DNAJC15: variants seen among roughly 807,000 people sequenced by gnomAD.
DNAJC15 encodes the protein dnaJ homolog subfamily C member 15.
Under a neutral mutation model 22.4 loss-of-function variants are expected in DNAJC15, and 27 were observed. The ratio of observed to expected loss-of-function variants is 1.20; its 90% CI spans 0.89 to 1.66. DNAJC15 has a LOEUF of 1.66. Among genes scored for constraint, DNAJC15 ranks in the 40% most tolerant of loss-of-function variants. DNAJC15 has a pLI of 0.00. For synonymous variants in DNAJC15, 79 were observed against 63.2 expected (o/e 1.25, Z -1.19); for missense variants, 208 against 187.1 (o/e 1.11, Z -0.65).
chr13:43,101,507 A>G (rs2040768947), intron 5 of DNAJC15, among the ~76,000 whole-genome samples: 2 of 152,204 alleles, frequency 1.3e-5, no homozygotes, highest in South Asian at 2.1e-4. Context: ...ATTTTGGTGC[A>G]CTCATCACCC....
chr13:43,102,093 AT>A (rs1043785635), intron 5 of DNAJC15, among the ~76,000 whole-genome samples: 6 of 152,002 alleles, frequency 3.9e-5, no homozygotes, highest in East Asian at 3.9e-4. Context: ...AACATTTATA[AT>A]TTTTTTTGAT....
intron 1 of DNAJC15, among the ~76,000 whole-genome samples, chr13:43,049,340 G>A (rs1367986052): frequency 6.6e-6 from 1 of 152,148 alleles, no homozygotes; most frequent in African/African-American, 2.4e-5. Flanking sequence ...CAAAATAAAA[G>A]TCGAAATACA....
rs374525072 is a variant in DNAJC15 at position 43,100,735 on chromosome 13, G to A, written c.383-6443G>A. On this transcript the variant is annotated intron_variant, in intron 5 of 5. Coordinates refer to ENST00000379221, the MANE Select transcript of DNAJC15 (RefSeq NM_013238.3). ...CCTCTGTGCATTTGAGAAAAATTGC[G>A]TATTCCATTATTGGGTAGTGTTCTG... is the stretch of plus-strand genomic sequence containing the variant. Among the ~76,000 whole-genome samples the A allele has an allele frequency of 2.5e-4, 38 of 152,252 alleles. 3 individuals are homozygous for A. The highest frequency in any genetic ancestry group is 1.6e-3 in the Admixed American group (25 of 15,290).
intron 3 of DNAJC15, among the ~76,000 whole-genome samples, chr13:43,074,831 G>T (rs184458774): frequency 1.3e-5 from 2 of 152,238 alleles, no homozygotes; most frequent in South Asian, 2.1e-4. Flanking sequence ...ACCTGGGTTT[G>T]AACTGCACAG....
chr13:43,103,541 C>T (rs1056350360), intron 5 of DNAJC15, among the ~76,000 whole-genome samples: 8 of 152,262 alleles, frequency 5.3e-5, no homozygotes, highest in Non-Finnish European at 1.0e-4. Flanking sequence ...TGAAGTTTGT[C>T]GAGACTTGCT....
In DNAJC15 at chr13:43,109,943, A is replaced by T. The variant is rs1300063682; in HGVS notation, c.*2695A>T. The stretch of plus-strand genomic sequence containing the variant: ...AAAGCATTTAGTCACGTAAATGCTT[A>T]AAAAAATGTAATTTTTACTTCTTTC... On this transcript the variant is annotated 3_prime_UTR_variant, in exon 6 of 6. Coordinates refer to ENST00000379221, the MANE Select transcript of DNAJC15 (RefSeq NM_013238.3). 7.1e-6 allele frequency: 1 copy of T among 140,378 alleles called. No individual in the cohort carries two copies. Among genetic ancestry groups the T allele is most frequent in the African/African-American group, 3.3e-5 (1 of 30,212 alleles). The allele number at this position is 140,378 out of a possible 1,614,324, so 8.7% of individuals were successfully genotyped here. A position where few individuals can be genotyped will look rare whatever the true frequency, so the allele number is the denominator to read the frequency against.
chr13:43,023,879 G>A lies in DNAJC15; in HGVS notation c.108+145G>A, dbSNP rs2040365262. On this transcript the variant is annotated intron_variant, in intron 1 of 5. Coordinates refer to ENST00000379221, the MANE Select transcript of DNAJC15 (RefSeq NM_013238.3). The stretch of plus-strand genomic sequence containing the variant: ...CTAGCGCTCACTTGTTCAGTGGAGA[G>A]ACCGCTTTGTGCTGGGCTTTGACGC... 7 of 774,446 alleles carry A rather than the reference G, an allele frequency of 9.0e-6. No homozygotes were observed. In the South Asian group the frequency reaches 1.3e-4, roughly 15 times the overall value. 48.0% of individuals were successfully genotyped at this position (774,446 alleles called of 1,614,324 possible).
Position 43,110,650 on chromosome 13 carries a change from G to A in DNAJC15, c.*3402G>A, listed in dbSNP as rs1458996584. ...AGATCTCCACAACTATACCTACATA[G>A]TAGAAGGTTAAAATGTATCCCTCTT... On this transcript the variant is annotated 3_prime_UTR_variant, in exon 6 of 6. Coordinates refer to ENST00000379221, the MANE Select transcript of DNAJC15 (RefSeq NM_013238.3). The A allele has an allele frequency of 1.3e-5, 2 of 152,176 alleles. No homozygotes were observed. The highest frequency in any genetic ancestry group is 2.9e-5 in the Non-Finnish European group (2 of 68,028). 9.4% of individuals were successfully genotyped at this position (152,176 alleles called of 1,614,324 possible).
At chr13:43,037,617 A>AT (rs2040434858) in intron 1 of DNAJC15, among the ~76,000 whole-genome samples, 2 of 152,026 alleles carry the variant, frequency 1.3e-5, no homozygotes, top group Non-Finnish European at 1.5e-5. Flanking sequence ...AATAACCTTT[A>AT]TTTTTACCTC....
intron 1 of DNAJC15, among the ~76,000 whole-genome samples, chr13:43,034,427 C>G (rs748190056): frequency 6.7e-6 from 1 of 150,366 alleles, no homozygotes; most frequent in East Asian, 1.9e-4. Context: ...GCCATTCTCC[C>G]GCCTCAGCCT....
In DNAJC15 at chr13:43,023,653, A is replaced by G. The variant is rs1298794989; in HGVS notation, c.27A>G (p.Pro9=). 3.1e-6 allele frequency: 5 copies of G among 1,612,262 alleles called. No homozygotes were observed. Among genetic ancestry groups the G allele is most frequent in the Admixed American group, 3.3e-5 (2 of 59,896 alleles). Residue 9 remains proline, a synonymous_variant, in exon 1 of 6, where the codon CCA becomes CCG. Coordinates refer to ENST00000379221, the MANE Select transcript of DNAJC15 (RefSeq NM_013238.3). ...TGGCTGCCCGTGGTGTCATCGCTCC[A>G]GTTGGCGAGAGTTTGCGCTACGCTG... The part of the protein sequence containing the change: MAARGVIA[P]VGESLRYAEY...
intron 1 of DNAJC15, among the ~76,000 whole-genome samples, chr13:43,026,017 A>G (rs2040379253): frequency 6.6e-6 from 1 of 152,250 alleles, no homozygotes; most frequent in Admixed American, 6.5e-5. Flanking sequence ...ATATTACACC[A>G]ATTTGTAGAA....
chr13:43,093,075 T>C (rs937063992), intron 5 of DNAJC15, among the ~76,000 whole-genome samples: 1 of 152,234 alleles, frequency 6.6e-6, no homozygotes, highest in Non-Finnish European at 1.5e-5. Context: ...ACTGTCTAAT[T>C]TCCTCTTAAA....
intron 1 of DNAJC15, among the ~76,000 whole-genome samples, chr13:43,046,283 A>AT: frequency 6.6e-6 from 1 of 151,930 alleles, no homozygotes; most frequent in East Asian, 1.9e-4. Flanking sequence ...CATATGTTAG[A>AT]TTTTTAATTA....
intron 5 of DNAJC15, among the ~76,000 whole-genome samples, chr13:43,097,938 A>C (rs1486024972): frequency 1.3e-5 from 2 of 152,146 alleles, no homozygotes; most frequent in East Asian, 3.9e-4. Context: ...ACTCCATCTC[A>C]AAAAAAGAAA....
At chr13:43,024,336 C>CTTTT (rs2040368498) in intron 1 of DNAJC15, among the ~76,000 whole-genome samples, 2 of 93,926 alleles carry the variant, frequency 2.1e-5, no homozygotes, top group African/African-American at 4.1e-5. Context: ...CGTATTTTTA[C>CTTTT]GTTTTTTTTT....
At chr13:43,102,745 AAGTG>A (rs1352436328) in intron 5 of DNAJC15, among the ~76,000 whole-genome samples, 2 of 152,176 alleles carry the variant, frequency 1.3e-5, no homozygotes, top group South Asian at 2.1e-4. Flanking sequence ...CTGATTTGAT[AAGTG>A]AGTATTTTGT....
At chr13:43,034,509 G>A (rs2040419806) in intron 1 of DNAJC15, among the ~76,000 whole-genome samples, 1 of 151,668 alleles carries the variant, frequency 6.6e-6, no homozygotes, top group African/African-American at 2.4e-5. Context: ...TAGAGACGGG[G>A]TTTCCCCGTG....
chr13:43,098,622 C>G (rs940237506), intron 5 of DNAJC15, among the ~76,000 whole-genome samples: 1 of 152,152 alleles, frequency 6.6e-6, no homozygotes, highest in Non-Finnish European at 1.5e-5. Context: ...TTCAGTAGTT[C>G]TGGTATATTC....
Sources: gnomAD v4.1 joint callset for allele counts (sites outside exome capture counted in the v4.1 genomes callset) on GRCh38, gnomAD v4.1.1 for gene constraint, MANE v1.5 for transcripts, NCBI Gene and HGNC (gene_info 2026-07-23, HGNC 2026-07-21) for gene names.